The following PTPRG variants were observed in gnomAD, a reference collection of about 807,000 sequenced individuals.
PTPRG encodes the protein receptor-type tyrosine-protein phosphatase gamma.
In PTPRG, 102 loss-of-function variants were observed where a neutral mutation model predicts 165.3. That is an observed-to-expected ratio of 0.62 (90% CI 0.53 to 0.73). The LOEUF (loss-of-function observed/expected upper bound fraction) is 0.73, where lower values mean the gene tolerates loss of function less well. PTPRG is among the 30% of genes least tolerant of loss of function. PTPRG has a pLI of 0.00. For synonymous variants in PTPRG, 675 were observed against 669.5 expected, an observed-to-expected ratio of 1.01 and a Z score of -0.13; for missense variants, 1,866 against 1,861.4, an observed-to-expected ratio of 1.00 and a Z score of -0.05.
At chr3:62,011,256 A>G (rs956687855) in intron 4 of PTPRG, among the ~76,000 whole-genome samples, 1 of 152,228 alleles carries the variant, frequency 6.6e-6, no homozygotes, top group Non-Finnish European at 1.5e-5. Context: ...CTCCCTGTGC[A>G]GGTTCCCTTA....
chr3:61,775,582 G>T (rs535119203), intron 2 of PTPRG, among the ~76,000 whole-genome samples: 1 of 152,208 alleles, frequency 6.6e-6, no homozygotes, highest in South Asian at 2.1e-4. Flanking sequence ...CTTAGGAAAT[G>T]CTCAACAATC....
At chr3:62,155,029 C>G (rs1704483641) in intron 6 of PTPRG, among the ~76,000 whole-genome samples, 1 of 152,190 alleles carries the variant, frequency 6.6e-6, no homozygotes, top group Non-Finnish European at 1.5e-5. Context: ...AGAGATTTCC[C>G]CTGTCATTAG....
intron 28 of PTPRG, among the ~76,000 whole-genome samples, chr3:62,286,562 T>TAAA (rs5849473): frequency 5.3e-5 from 8 of 151,390 alleles, no homozygotes; most frequent in South Asian, 2.1e-4. Context: ...ACAGAGCACT[T>TAAA]AAAAAAAAAC....
At position 61,635,785 on chromosome 3, in the gene PTPRG, G is replaced by T. The variant is rs80212577; in HGVS notation, c.85+73413G>T. On this transcript the variant is annotated intron_variant, in intron 1 of 29. Coordinates refer to ENST00000474889, the MANE Select transcript of PTPRG (RefSeq NM_002841.4). ...GCCTATCTCCACATTTTGTACTCTT[G>T]AACATTTTCTAATTTATTTACTAAT... Among the ~76,000 whole-genome samples the T allele has an allele frequency of 7.6e-3, 1,152 of 152,156 alleles. 4 individuals are homozygous for T. The highest frequency in any genetic ancestry group is 0.011 in the Non-Finnish European group (718 of 68,012).
rs535439953 is a variant in PTPRG, at chr3:62,224,560, A to G, written c.2288+5577A>G. Among the ~76,000 whole-genome samples the G allele has an allele frequency of 2.2e-4, 33 of 152,364 alleles. No individual in the cohort carries two copies. The East Asian group carries it at 2.3e-3, about 11-fold the overall frequency. ...ACGTGGGTATTTGTTAAGCACTGCC[A>G]CAGTATTCTTAAATATTTAAACCCA... On this transcript the variant is annotated intron_variant, in intron 13 of 29. Transcript: ENST00000474889. The surrounding 1 kb of genome is among the most constrained non-coding windows in gnomAD (Gnocchi z 4.9).
At chr3:61,743,115 A>C in intron 1 of PTPRG, 352 of 1,389,186 alleles carry the variant, frequency 2.5e-4, no homozygotes, top group Non-Finnish European at 3.3e-4. Flanking sequence ...ATGGCTTCTC[A>C]CGCCGCGCTA....
At chr3:62,289,533 T>TAA (rs1392361511) in intron 28 of PTPRG, among the ~76,000 whole-genome samples, 1 of 152,002 alleles carries the variant, frequency 6.6e-6, no homozygotes, top group Non-Finnish European at 1.5e-5. Flanking sequence ...CCCAGTATAT[T>TAA]AAAAGAATTA....
intron 8 of PTPRG, among the ~76,000 whole-genome samples, chr3:62,184,548 C>G (rs769081717): frequency 1.3e-5 from 2 of 152,212 alleles, no homozygotes; most frequent in Non-Finnish European, 2.9e-5. Context: ...TTTAAGCAGT[C>G]TAAGGCAAGG....
chr3:61,782,863 TAC>T (rs2034585403), intron 2 of PTPRG, among the ~76,000 whole-genome samples: 1 of 152,130 alleles, frequency 6.6e-6, no homozygotes, highest in African/African-American at 2.4e-5. Context: ...AGTGCAGTGG[TAC>T]AGTCATAGCT....
At chr3:62,207,584 A>G (rs138543998) in intron 12 of PTPRG, among the ~76,000 whole-genome samples, 73 of 152,298 alleles carry the variant, frequency 4.8e-4, no homozygotes, top group African/African-American at 1.8e-3. Flanking sequence ...TCTTCATATT[A>G]AGGAAAAACA....
intron 4 of PTPRG, among the ~76,000 whole-genome samples, chr3:62,054,335 T>C (rs1700560838): frequency 6.6e-6 from 1 of 152,242 alleles, no homozygotes; most frequent in African/African-American, 2.4e-5. Flanking sequence ...ATGGGTTTCT[T>C]TCTTCTATTT....
chr3:62,017,990 A>G (rs1311192081), intron 4 of PTPRG, among the ~76,000 whole-genome samples: 1 of 152,208 alleles, frequency 6.6e-6, no homozygotes, highest in Non-Finnish European at 1.5e-5. Flanking sequence ...TTTGTTCGCT[A>G]GAAGCCTCTC....
intron 2 of PTPRG, among the ~76,000 whole-genome samples, chr3:61,908,559 A>G (rs1288782710): frequency 6.6e-6 from 1 of 152,174 alleles, no homozygotes; most frequent in East Asian, 1.9e-4. Flanking sequence ...TTTAGGATCA[A>G]CAGTTCAATC....
intron 4 of PTPRG, among the ~76,000 whole-genome samples, chr3:62,047,892 C>T (rs1187930703): frequency 2.6e-5 from 4 of 152,056 alleles, no homozygotes; most frequent in Non-Finnish European, 4.4e-5. Flanking sequence ...TTTACAGGAT[C>T]GCAAAAAAGC....
intron 1 of PTPRG, among the ~76,000 whole-genome samples, chr3:61,730,061 G>T (rs922407937): frequency 6.6e-6 from 1 of 152,164 alleles, no homozygotes; most frequent in Non-Finnish European, 1.5e-5. Flanking sequence ...TGTTTAGATG[G>T]GTCTTCCTTA....
intron 1 of PTPRG, among the ~76,000 whole-genome samples, chr3:61,716,834 C>T (rs1328200922): frequency 2.6e-5 from 4 of 151,964 alleles, no homozygotes; most frequent in East Asian, 1.9e-4. Context: ...TAGCTGGGTG[C>T]GGTGGCAGGC....
intron 1 of PTPRG, among the ~76,000 whole-genome samples, chr3:61,732,309 G>T (rs1436725867): frequency 6.6e-6 from 1 of 152,164 alleles, no homozygotes; most frequent in Non-Finnish European, 1.5e-5. Context: ...CGGGCGCAGT[G>T]GCTCATGCCT....
At chr3:61,596,544 C>CT (rs1450336447) in intron 1 of PTPRG, among the ~76,000 whole-genome samples, 1 of 152,028 alleles carries the variant, frequency 6.6e-6, no homozygotes, top group Non-Finnish European at 1.5e-5. Context: ...CTATCTGAGG[C>CT]TTTAAAGCAA....
At chr3:61,962,007 T>A (rs804413) in intron 2 of PTPRG, among the ~76,000 whole-genome samples, 1 of 152,132 alleles carries the variant, frequency 6.6e-6, no homozygotes, top group African/African-American at 2.4e-5. Flanking sequence ...TGAGTTAAAT[T>A]GCCTCCCTGG....
Sources: allele counts gnomAD v4.1 joint callset (sites outside exome capture counted in the v4.1 genomes callset), GRCh38; gene constraint gnomAD v4.1.1; non-coding constraint Gnocchi (gnomAD v3.1); transcripts MANE v1.5; gene names NCBI Gene and HGNC (gene_info 2026-07-23, HGNC 2026-07-21).